Variants in PLA2R1 observed in about 807,000 individuals in gnomAD.
PLA2R1 encodes the protein secretory phospholipase A2 receptor.
In PLA2R1, 158 loss-of-function variants were observed where a neutral mutation model predicts 195.9. The ratio of observed to expected loss-of-function variants is 0.81; its 90% CI spans 0.71 to 0.92. PLA2R1 has a LOEUF of 0.92. Ranked by LOEUF, PLA2R1 falls within the 40% of genes least tolerant of loss-of-function variation. PLA2R1 has a pLI of 0.00. For missense variants in PLA2R1, 1,626 were observed against 1,764.6 expected (o/e 0.92, Z 1.41); for synonymous variants, 586 against 598.2 (o/e 0.98, Z 0.30).
intron 1 of PLA2R1, among the ~76,000 whole-genome samples, chr2:160,060,270 A>C (rs547764404): frequency 6.6e-5 from 10 of 152,324 alleles, no homozygotes; most frequent in African/African-American, 1.4e-4. Flanking sequence ...ACAGCGGTAA[A>C]CTGAGGCACC....
At chr2:160,051,154 C>T (rs1695187865) in intron 1 of PLA2R1, among the ~76,000 whole-genome samples, 2 of 152,242 alleles carry the variant, frequency 1.3e-5, no homozygotes, top group Non-Finnish European at 2.9e-5. Context: ...CAATAAATTA[C>T]ACCATGAAGG....
At chr2:160,040,936 T>C (rs1040649962) in intron 3 of PLA2R1, among the ~76,000 whole-genome samples, 1 of 152,206 alleles carries the variant, frequency 6.6e-6, no homozygotes, top group Admixed American at 6.5e-5. Flanking sequence ...TCTAATTGAA[T>C]TGCACAATAA....
intron 2 of PLA2R1, among the ~76,000 whole-genome samples, chr2:160,042,792 T>C (rs1028841001): frequency 7.7e-5 from 6 of 77,688 alleles, no homozygotes; most frequent in Non-Finnish European, 9.4e-5. Context: ...GAGTGGGGTG[T>C]GTGTGTGCGT....
chr2:159,976,011 AAGGGCAAAAG>A, intron 17 of PLA2R1, 47 bp downstream of exon 17: 1 of 1,012,362 alleles, frequency 9.9e-7, no homozygotes, highest in Non-Finnish European at 1.5e-6. Context: ...CCTCCCTCCC[AAGGGCAAAAG>A]AAGGTGCTAA....
chr2:160,058,275 A>G (rs2105713881), intron 1 of PLA2R1, among the ~76,000 whole-genome samples: 1 of 152,210 alleles, frequency 6.6e-6, no homozygotes, highest in Non-Finnish European at 1.5e-5. Flanking sequence ...ATGTCGAGAG[A>G]CACCCCGTAC....
At chr2:160,020,077 G>C (rs758739847) in intron 8 of PLA2R1, 29 bp downstream of exon 8, 1 of 1,582,232 alleles carries the variant, frequency 6.3e-7, no homozygotes, top group Non-Finnish European at 8.6e-7. Context: ...GACCAGCAAA[G>C]TGAGCACTGA....
chr2:159,972,481 C>T (rs1471981913), intron 17 of PLA2R1, among the ~76,000 whole-genome samples: 1 of 152,078 alleles, frequency 6.6e-6, no homozygotes, highest in Non-Finnish European at 1.5e-5. Flanking sequence ...CAGCATTTAC[C>T]AAAAACAAAC....
chr2:159,962,800 C>G (rs1688535394), intron 20 of PLA2R1, among the ~76,000 whole-genome samples: 1 of 152,070 alleles, frequency 6.6e-6, no homozygotes, highest in Non-Finnish European at 1.5e-5. Context: ...AACCAAACAC[C>G]ACATGTTCTC....
chr2:159,945,069 C>T lies in PLA2R1; in HGVS notation c.3981G>A (p.Lys1327=). The T allele has an allele frequency of 6.2e-7, 1 of 1,609,080 alleles. No individual in the cohort carries two copies. The highest frequency in any genetic ancestry group is 1.3e-5 in the African/African-American group (1 of 74,940). Residue 1327 remains lysine, a synonymous_variant, in exon 28 of 30, where the codon AAG becomes AAA. Transcript: ENST00000283243. The part of the protein sequence containing the change: ...AQFDGNNETI[K]WFDGTPTDQS... ...GGTCTGTGGGAGTTCCATCAAACCACTTTATGGTTTCATCTGTGAGAAAAT... is the reference window on the plus strand; with the variant it reads ...GGTCTGTGGGAGTTCCATCAAACCATTTTATGGTTTCATCTGTGAGAAAAT...
chr2:160,008,595 T>C (rs555720489), intron 10 of PLA2R1, among the ~76,000 whole-genome samples: 3 of 152,318 alleles, frequency 2.0e-5, no homozygotes, highest in African/African-American at 7.2e-5. Context: ...TATAAAACTC[T>C]TACAAGGAAA....
chr2:160,029,954 C>T (rs1042100583), intron 4 of PLA2R1, among the ~76,000 whole-genome samples: 3 of 152,196 alleles, frequency 2.0e-5, no homozygotes, highest in South Asian at 2.1e-4. Context: ...AAGACCCTGA[C>T]GGATAAGGGT....
intron 16 of PLA2R1, 89 bp downstream of exon 16, chr2:159,976,596 A>C (rs887430597): frequency 3.6e-5 from 30 of 823,596 alleles, no homozygotes; most frequent in Non-Finnish European, 5.1e-5. Context: ...CGATTTGAGA[A>C]ATGTAACAAC....
chr2:160,012,598 C>A (rs763595640), intron 10 of PLA2R1, among the ~76,000 whole-genome samples: 3 of 147,692 alleles, frequency 2.0e-5, no homozygotes, highest in Non-Finnish European at 3.0e-5. Flanking sequence ...ACATACATTA[C>A]ATCAAAAAAA....
chr2:159,943,495 G>A (rs976581316), intron 28 of PLA2R1, among the ~76,000 whole-genome samples: 2 of 152,178 alleles, frequency 1.3e-5, no homozygotes, highest in African/African-American at 4.8e-5. Flanking sequence ...AAGAAAGACT[G>A]TTAAGAGTGT....
At chr2:159,957,508 C>T (rs1228649567) in intron 20 of PLA2R1, among the ~76,000 whole-genome samples, 1 of 152,104 alleles carries the variant, frequency 6.6e-6, no homozygotes, top group African/African-American at 2.4e-5. Flanking sequence ...GTGCGCACCA[C>T]CATGCCTGGC....
Position 159,951,581 on chromosome 2 carries a change from A to G in PLA2R1, c.3302-3T>C, listed in dbSNP as rs1447872383. The G allele has an allele frequency of 1.4e-6, 2 of 1,412,878 alleles. No homozygotes were observed. Among genetic ancestry groups the G allele is most frequent in the African/African-American group, 1.4e-5 (1 of 72,450 alleles). 87.5% of individuals were successfully genotyped at this position (1,412,878 alleles called of 1,614,324 possible). A position where few individuals can be genotyped will look rare whatever the true frequency, so the allele number is the denominator to read the frequency against. On this transcript the variant is annotated splice_region_variant and splice_polypyrimidine_tract_variant and intron_variant, in intron 23 of 29. Transcript: ENST00000283243. ...ATTTACACCGTGTCCAGAAGTATCT[A>G]GAACAAGAACAGCAACAAAAGTCAT...
At chr2:159,947,614 G>GATAAATATTACAA (rs1335397140) in intron 25 of PLA2R1, 55 bp from the exon 26 acceptor site, 1 of 1,457,570 alleles carries the variant, frequency 6.9e-7, no homozygotes, top group Non-Finnish European at 9.6e-7. Context: ...TATTTATTGA[G>GATAAATATTACAA]ATAAATATTA....
At chr2:160,018,803 C>T (rs1319366692) in intron 8 of PLA2R1, among the ~76,000 whole-genome samples, 2 of 152,358 alleles carry the variant, frequency 1.3e-5, no homozygotes, top group East Asian at 3.8e-4. Context: ...ATTGTCTGTG[C>T]TAGCATTAAA....
intron 11 of PLA2R1, among the ~76,000 whole-genome samples, chr2:160,001,086 G>A (rs1457390049): frequency 6.6e-6 from 1 of 152,000 alleles, no homozygotes; most frequent in African/African-American, 2.4e-5. Flanking sequence ...GATCACAGAA[G>A]GAATGGTACA....
Sources: gnomAD v4.1 joint callset for allele counts (sites outside exome capture counted in the v4.1 genomes callset) on GRCh38, gnomAD v4.1.1 for gene constraint, MANE v1.5 for transcripts, NCBI Gene and HGNC (gene_info 2026-07-23, HGNC 2026-07-21) for gene names.